NOL4: variants seen among roughly 807,000 people sequenced by gnomAD.
The protein encoded by NOL4 is cancer/testis antigen 125.
NOL4 carries 17 observed loss-of-function variants against 75.9 expected under a neutral mutation model. The ratio of observed to expected loss-of-function variants is 0.22; its 90% CI spans 0.15 to 0.34. NOL4 has a LOEUF of 0.34. Ranked by LOEUF, NOL4 falls within the 10% of genes least tolerant of loss-of-function variation. The probability of loss-of-function intolerance (pLI) is 1.00; values close to 1 mark genes in which losing one functional copy is unlikely to be tolerated. For synonymous variants in NOL4, 292 were observed against 289.9 expected (o/e 1.01, Z -0.07); for missense variants, 614 against 793.5 (o/e 0.77, Z 2.72).
intron 4 of NOL4, among the ~76,000 whole-genome samples, chr18:34,096,755 T>C (rs2078804798): frequency 6.6e-6 from 1 of 152,150 alleles, no homozygotes; most frequent in African/African-American, 2.4e-5. Context: ...CCTTGAAACT[T>C]AATGTTTTAA....
intron 6 of NOL4, among the ~76,000 whole-genome samples, chr18:33,999,179 G>A (rs561606900): frequency 7.3e-6 from 1 of 136,918 alleles, no homozygotes; most frequent in Non-Finnish European, 1.5e-5. Flanking sequence ...CTGCTCCATT[G>A]CCCATGCTGG....
At chr18:34,068,037 G>T (rs945115692) in intron 5 of NOL4, among the ~76,000 whole-genome samples, 5 of 152,122 alleles carry the variant, frequency 3.3e-5, no homozygotes, top group African/African-American at 4.8e-5. Context: ...TGGGAGAAAT[G>T]AGAAAAAATT....
chr18:34,126,677 T>A (rs761957514), intron 2 of NOL4, among the ~76,000 whole-genome samples: 56 of 152,202 alleles, frequency 3.7e-4, no homozygotes, highest in Non-Finnish European at 6.5e-4. Context: ...AAAACAGTGA[T>A]GTATTCACAG....
chr18:34,151,365 T>C (rs1357187722), intron 1 of NOL4, among the ~76,000 whole-genome samples: 6 of 151,762 alleles, frequency 4.0e-5, no homozygotes, highest in East Asian at 3.9e-4. Flanking sequence ...AATGAAATAT[T>C]TCTTAGCACT....
chr18:34,124,633 G>A (rs1302408133), intron 2 of NOL4, among the ~76,000 whole-genome samples: 1 of 152,070 alleles, frequency 6.6e-6, no homozygotes, highest in East Asian at 1.9e-4. Flanking sequence ...GGCTTGATGC[G>A]ATGGCTCATG....
At chr18:34,189,859 G>A (rs1786117640) in intron 1 of NOL4, among the ~76,000 whole-genome samples, 1 of 151,836 alleles carries the variant, frequency 6.6e-6, no homozygotes, top group African/African-American at 2.4e-5. Flanking sequence ...TATGGACTTG[G>A]AGATTCATTT....
At chr18:33,889,396 A>G (rs2064963124) in intron 9 of NOL4, among the ~76,000 whole-genome samples, 1 of 152,074 alleles carries the variant, frequency 6.6e-6, no homozygotes, top group Admixed American at 6.6e-5. Flanking sequence ...CCAACCAAAA[A>G]AAGTCCTGGA....
chr18:33,924,675 T>C (rs900825537), intron 9 of NOL4, among the ~76,000 whole-genome samples: 4 of 152,298 alleles, frequency 2.6e-5, no homozygotes, highest in African/African-American at 9.6e-5. Flanking sequence ...TGATATAAAA[T>C]TGTCGAGTCA....
intron 2 of NOL4, among the ~76,000 whole-genome samples, chr18:34,114,521 CAT>C (rs1337754849): frequency 1.3e-5 from 2 of 152,144 alleles, no homozygotes; most frequent in East Asian, 3.9e-4. Context: ...AATGACCTAA[CAT>C]TATTTATCAA....
At chr18:34,213,017 G>C (rs928578167) in intron 1 of NOL4, among the ~76,000 whole-genome samples, 1 of 152,056 alleles carries the variant, frequency 6.6e-6, no homozygotes, top group Non-Finnish European at 1.5e-5. Context: ...TATGGGGCTC[G>C]TCATGTTCAC....
Position 33,958,322 on chromosome 18 carries a change from C to T in NOL4, c.1153G>A (p.Glu385Lys), listed in dbSNP as rs764755868. 6 of 1,613,822 alleles carry T rather than the reference C, an allele frequency of 3.7e-6. No homozygotes were observed. Among genetic ancestry groups the T allele is most frequent in the South Asian group, 2.2e-5 (2 of 91,070 alleles). ...DLSLNRGDED[E>K]DDHEDHDDSE... is the part of the protein sequence containing the mutation. The stretch of plus-strand genomic sequence containing the variant: ...TCGTCATGGTCCTCGTGGTCATCTT[C>T]GTCCTCATCTCCCCTGTTTAGTGAG... The change falls in exon 7 of 11, where the codon GAA becomes AAA. Residue 385 changes from glutamate (E) to lysine (K), a missense_variant. Coordinates refer to ENST00000261592, the MANE Select transcript of NOL4 (RefSeq NM_003787.5).
At chr18:33,882,770 G>A (rs576079254) in intron 10 of NOL4, among the ~76,000 whole-genome samples, 127 of 152,052 alleles carry the variant, frequency 8.4e-4, no homozygotes, top group Middle Eastern at 6.8e-3. Flanking sequence ...TGTTTATTGC[G>A]GCACTGTTCA....
chr18:34,063,323 G>A (rs971325785), intron 5 of NOL4, among the ~76,000 whole-genome samples: 4 of 151,972 alleles, frequency 2.6e-5, no homozygotes, highest in Admixed American at 2.0e-4. Flanking sequence ...TATGTGTTGG[G>A]CAAATATTTT....
intron 5 of NOL4, among the ~76,000 whole-genome samples, chr18:34,029,387 G>A (rs1412423631): frequency 1.3e-5 from 2 of 152,056 alleles, no homozygotes; most frequent in African/African-American, 4.8e-5. Context: ...TATTTAATTA[G>A]TAGATACTAG....
chr18:34,124,357 T>C (rs78741364), intron 2 of NOL4, among the ~76,000 whole-genome samples: 5,218 of 152,294 alleles, frequency 0.034, 92 homozygotes, highest in Middle Eastern at 0.048. Flanking sequence ...ATGAGTGAAT[T>C]GTGCCTAGAG....
intron 1 of NOL4, among the ~76,000 whole-genome samples, chr18:34,165,986 T>C (rs1202194874): frequency 1.3e-5 from 2 of 152,128 alleles, no homozygotes; most frequent in African/African-American, 2.4e-5. Context: ...AAAAAGCCAA[T>C]AGAATAAAAA....
chr18:34,197,683 T>C (rs763009166), intron 1 of NOL4, among the ~76,000 whole-genome samples: 3 of 151,730 alleles, frequency 2.0e-5, no homozygotes, highest in Non-Finnish European at 4.4e-5. Flanking sequence ...GAAGGATGTA[T>C]AGAAGTTAAT....
In NOL4 at chr18:34,223,139, G is replaced by C; in HGVS notation, c.115C>G (p.Leu39Val). ...TRKKYERIVQ[L>V]LNGSESSSTD... ...GAGCTCGACTCGGAGCCATTGAGGA[G>C]CTGGACGATCCGTTCGTATTTTTTA... The change falls in exon 1 of 11, where the codon CTC becomes GTC. Residue 39 changes from leucine to valine, a missense_variant. By Grantham distance (32) the Leu-to-Val change is conservative. Coordinates refer to ENST00000261592, the MANE Select transcript of NOL4 (RefSeq NM_003787.5). 2 of 1,614,214 alleles carry C rather than the reference G, an allele frequency of 1.2e-6. No homozygotes were observed. Among genetic ancestry groups the C allele is most frequent in the Non-Finnish European group, 1.7e-6 (2 of 1,180,052 alleles).
At chr18:34,042,943 T>C (rs1314355696) in intron 5 of NOL4, among the ~76,000 whole-genome samples, 1 of 152,114 alleles carries the variant, frequency 6.6e-6, no homozygotes, top group Non-Finnish European at 1.5e-5. Context: ...AGTCCTGTCA[T>C]TCACAACCTG....
Sources: allele counts gnomAD v4.1 joint callset (sites outside exome capture counted in the v4.1 genomes callset), GRCh38; gene constraint gnomAD v4.1.1; transcripts MANE v1.5; gene names NCBI Gene and HGNC (gene_info 2026-07-23, HGNC 2026-07-21).